MYO7B: variants seen among roughly 807,000 people sequenced by gnomAD.
MYO7B encodes the protein unconventional myosin-VIIb.
Under a neutral mutation model 259.7 loss-of-function variants are expected in MYO7B, and 212 were observed. The observed-to-expected ratio is 0.82, with a 90% confidence interval of 0.73 to 0.91. MYO7B has a LOEUF of 0.91. MYO7B is among the 40% of genes least tolerant of loss of function. The probability of loss-of-function intolerance (pLI) is 0.00; values close to 1 mark genes in which losing one functional copy is unlikely to be tolerated. For synonymous variants in MYO7B, 1,197 were observed against 1,166.4 expected (o/e 1.03, Z -0.54); for missense variants, 2,732 against 2,813.5 (o/e 0.97, Z 0.66).
intron 30 of MYO7B, 116 bp from the exon 31 acceptor site, chr2:127,625,252 A>C: frequency 7.9e-7 from 1 of 1,259,686 alleles, no homozygotes. Context: ...TGCCCGAGCC[A>C]CAGGTTAGCT....
rs1484141965 is a variant in MYO7B, at chr2:127,625,287, G to A, written c.4048-81G>A. ...TCCCCTGTGATGGGGCAAGAGCCCG[G>A]CCACGGGACAGGGGCATCCTGGGGA... On this transcript the variant is annotated intron_variant, in intron 30 of 47. Coordinates refer to ENST00000409816, the MANE Select transcript of MYO7B (RefSeq NM_001393586.1). The A allele has an allele frequency of 2.1e-6, 3 of 1,405,800 alleles. No individual in the cohort carries two copies. The East Asian group carries it at 8.3e-5, about 39-fold the overall frequency. 87.1% of individuals were successfully genotyped at this position (1,405,800 alleles called of 1,614,324 possible).
In MYO7B at chr2:127,542,538, A is replaced by T. The variant is rs187331610; in HGVS notation, c.-24+6707A>T. Among the ~76,000 whole-genome samples, 315 of 152,352 alleles carry T rather than the reference A, an allele frequency of 2.1e-3. 1 individual carries two copies. Among genetic ancestry groups the T allele is most frequent in the Admixed American group, 6.4e-3 (98 of 15,310 alleles). ...GATATCCCAGACAACCCCTGTTGAC[A>T]GTAAAATAAGTAACAAATGCATACT... is the stretch of plus-strand genomic sequence containing the variant. On this transcript the variant is annotated intron_variant, in intron 1 of 47. Transcript: ENST00000409816.
rs377172629 is a variant in MYO7B at position 127,578,187 on chromosome 2, C to G, written c.904C>G (p.Arg302Gly). 1 of 1,613,864 alleles carries G rather than the reference C, an allele frequency of 6.2e-7. No individual in the cohort carries two copies. The highest frequency in any genetic ancestry group is 1.1e-5 in the South Asian group (1 of 91,070). ...LNDAKDYAHIRSAMKILQFSD... is the reference protein window; with the variant it reads ...LNDAKDYAHIGSAMKILQFSD... ...CGACGCCAAGGACTACGCCCACATC[C>G]GCTCGGCCATGAAGATCCTCCAGTT... The change falls in exon 9 of 48, where the codon CGC (arginine) becomes GGC (glycine). Residue 302 changes from arginine to glycine, a missense_variant. By Grantham distance (125) the Arg-to-Gly change is moderately radical. This residue lies in a region of MYO7B where 1,906 missense variants were observed against 2,026.4 expected (regional missense o/e 0.94). Coordinates refer to ENST00000409816, the MANE Select transcript of MYO7B (RefSeq NM_001393586.1).
rs76997279 is a variant in MYO7B, at chr2:127,626,151, G to A, written c.4215+616G>A. ...CACAGCACAGTGGTGCTGGGGAGAG[G>A]AACGGGTGAAGGTGGGGAGTTAGGA... On this transcript the variant is annotated intron_variant, in intron 31 of 47. Transcript: ENST00000409816. 6.7e-3 allele frequency: 1,020 copies of A among 152,450 alleles called. 7 individuals carry two copies. The highest frequency in any genetic ancestry group is 0.01 in the Non-Finnish European group (695 of 68,134). 9.4% of individuals were successfully genotyped at this position (152,450 alleles called of 1,614,324 possible). A position where few individuals can be genotyped will look rare whatever the true frequency, so the allele number is the denominator to read the frequency against.
intron 38 of MYO7B, 121 bp from the exon 39 acceptor site, chr2:127,632,125 C>A: frequency 1.7e-6 from 2 of 1,189,068 alleles, no homozygotes; most frequent in Admixed American, 2.8e-5. Flanking sequence ...CTGGCAGGTG[C>A]CCTCCCCCTC....
At chr2:127,545,428 G>A (rs10460269) in intron 1 of MYO7B, among the ~76,000 whole-genome samples, 80,628 of 152,076 alleles carry the variant, frequency 0.53, 22,980 homozygotes, top group Admixed American at 0.67. Context: ...GTGAGCAGCC[G>A]CATGCTGGGA....
In MYO7B at chr2:127,610,934, C is replaced by A. The variant is rs543893925; in HGVS notation, c.3192+918C>A. The stretch of plus-strand genomic sequence containing the variant: ...TCTGTAGCTGTGTAACAAATTACCC[C>A]CCCCAAACCTAACTGCTTCAAATAG... On this transcript the variant is annotated intron_variant, in intron 24 of 47. Transcript: ENST00000409816. 2.0e-5 allele frequency among the ~76,000 whole-genome samples: 3 copies of A among 152,214 alleles called. No homozygotes were observed. The East Asian group carries it at 5.8e-4, about 29-fold the overall frequency.
At chr2:127,571,580 A>G (rs1678630313) in intron 6 of MYO7B, among the ~76,000 whole-genome samples, 1 of 151,588 alleles carries the variant, frequency 6.6e-6, no homozygotes, top group South Asian at 2.1e-4. Context: ...TGTTAGGTTC[A>G]AGCGATTCTC....
At chr2:127,621,498 T>A (rs1680838165) in intron 27 of MYO7B, among the ~76,000 whole-genome samples, 1 of 152,176 alleles carries the variant, frequency 6.6e-6, no homozygotes, top group Non-Finnish European at 1.5e-5. Context: ...TGACCTCAGG[T>A]GATCCTCCGA....
intron 2 of MYO7B, among the ~76,000 whole-genome samples, chr2:127,563,725 G>A (rs1335071747): frequency 1.3e-5 from 2 of 152,162 alleles, no homozygotes; most frequent in Non-Finnish European, 1.5e-5. Flanking sequence ...GTCTTCTAGT[G>A]CTCGTTTCTG....
chr2:127,613,230 T>G lies in MYO7B; in HGVS notation c.3398+627T>G, dbSNP rs960653084. On this transcript the variant is annotated intron_variant, in intron 26 of 47. Coordinates refer to ENST00000409816, the MANE Select transcript of MYO7B (RefSeq NM_001393586.1). The surrounding 1 kb of genome is among the most constrained non-coding windows in gnomAD (Gnocchi z 4.3). ...AAGCCTCTGTAAGATTCTTTTATAT[T>G]GTTCTTCAGGTACCTAGGGGTCTGC... Among the ~76,000 whole-genome samples the G allele has an allele frequency of 6.6e-6, 1 of 152,244 alleles. No individual in the cohort carries two copies. The highest frequency in any genetic ancestry group is 1.5e-5 in the Non-Finnish European group (1 of 68,050).
chr2:127,574,131 C>G (rs1294226201), intron 7 of MYO7B, 69 bp downstream of exon 7: 1 of 1,581,124 alleles, frequency 6.3e-7, no homozygotes, highest in African/African-American at 1.3e-5. Context: ...GGCCCCTTTC[C>G]CACTCTCACC....
Position 127,597,461 on chromosome 2 carries a change from C to G in MYO7B, c.2339+905C>G, listed in dbSNP as rs567292863. Among the ~76,000 whole-genome samples the G allele has an allele frequency of 6.6e-6, 1 of 152,218 alleles. No individual in the cohort carries two copies. The highest frequency in any genetic ancestry group is 1.9e-4 in the East Asian group (1 of 5,180). ...CACACCTGCCCCCAGTGCTGCTTAA[C>G]CCCAGCAACCTCTAACCTGTTCTAC... On this transcript the variant is annotated intron_variant, in intron 19 of 47. Transcript: ENST00000409816. The surrounding 1 kb of genome is among the most constrained non-coding windows in gnomAD (Gnocchi z 4.8).
At chr2:127,541,491 G>T (rs1314719650) in intron 1 of MYO7B, among the ~76,000 whole-genome samples, 1 of 152,234 alleles carries the variant, frequency 6.6e-6, no homozygotes, top group Admixed American at 6.5e-5. Context: ...TCAGACTTCA[G>T]TTCTGATTGA....
Position 127,597,226 on chromosome 2 carries a change from A to G in MYO7B, c.2339+670A>G, listed in dbSNP as rs190945553. 7.6e-4 allele frequency among the ~76,000 whole-genome samples: 116 copies of G among 152,352 alleles called. No homozygotes were observed. The highest frequency in any genetic ancestry group is 1.5e-3 in the Non-Finnish European group (99 of 68,028). ...AGGACAACAGGCCGCATCTGACCAA[A>G]CAGGCCCACGTGGTCAGAGGCGAGG... On this transcript the variant is annotated intron_variant, in intron 19 of 47. Coordinates refer to ENST00000409816, the MANE Select transcript of MYO7B (RefSeq NM_001393586.1). The surrounding 1 kb of genome is among the most constrained non-coding windows in gnomAD (Gnocchi z 4.8).
Position 127,563,454 on chromosome 2 carries a change from C to A in MYO7B, c.19-699C>A, listed in dbSNP as rs1678188045. On this transcript the variant is annotated intron_variant, in intron 2 of 47. Transcript: ENST00000409816. ...CCCAATAGATCTGGGTACTGCAGAG[C>A]TTTTCACAGGGCAAGACTTCTCTTT... Among the ~76,000 whole-genome samples, 5 of 152,330 alleles carry A rather than the reference C, an allele frequency of 3.3e-5. No individual in the cohort carries two copies. The South Asian group carries it at 8.3e-4, about 25-fold the overall frequency.
chr2:127,587,317 G>T (rs1190089371), intron 14 of MYO7B, among the ~76,000 whole-genome samples: 1 of 152,130 alleles, frequency 6.6e-6, no homozygotes, highest in Non-Finnish European at 1.5e-5. Flanking sequence ...CTTCTCACCC[G>T]CTGGAGCCAT....
At chr2:127,544,703 C>T (rs974901360) in intron 1 of MYO7B, among the ~76,000 whole-genome samples, 7 of 151,814 alleles carry the variant, frequency 4.6e-5, no homozygotes, top group Non-Finnish European at 1.0e-4. Flanking sequence ...GCCTCAGCCT[C>T]CCGAGTAGCT....
rs1681852571 is a variant in MYO7B at position 127,636,831 on chromosome 2, G to T, written c.6245G>T (p.Ser2082Ile). 6.4e-7 allele frequency: 1 copy of T among 1,568,422 alleles called. No homozygotes were observed. The highest frequency in any genetic ancestry group is 8.7e-7 in the Non-Finnish European group (1 of 1,152,898). Residue 2082 changes from serine (S) to isoleucine (I), a missense_variant, in exon 47 of 48, where the codon AGC becomes ATC. Ser to Ile is a moderately radical substitution (Grantham distance 142). Around this residue, in one of 3 missense-constraint regions of MYO7B, gnomAD observed 821 missense variants for 769.3 expected, o/e 1.07. Transcript: ENST00000409816. The surrounding 1 kb of genome is among the most constrained non-coding windows in gnomAD (Gnocchi z 4.5). The stretch of plus-strand genomic sequence containing the variant: ...ACCTATCCCTTCACCAAGATCTCCA[G>T]CTGGAGCAGCGGCAGCACCTACTTC... The part of the protein sequence containing the change: ...LTTYPFTKIS[S>I]WSSGSTYFHM...
Sources: gnomAD v4.1 joint callset for allele counts (sites outside exome capture counted in the v4.1 genomes callset) on GRCh38, gnomAD v4.1.1 for gene constraint, gnomAD v4.1.1 regional missense constraint, Gnocchi (gnomAD v3.1) non-coding constraint, MANE v1.5 for transcripts, NCBI Gene and HGNC (gene_info 2026-07-23, HGNC 2026-07-21) for gene names.